Variants in CCDC125 observed in about 807,000 individuals in gnomAD.
CCDC125 encodes coiled-coil domain-containing protein 125.
In CCDC125, 43 loss-of-function variants were observed where a neutral mutation model predicts 57.4. The ratio of observed to expected loss-of-function variants is 0.75; its 90% CI spans 0.59 to 0.97. The LOEUF (loss-of-function observed/expected upper bound fraction) is 0.97. Ranked by LOEUF, CCDC125 falls within the 50% of genes least tolerant of loss-of-function variation. CCDC125 has a pLI of 0.00. For synonymous variants in CCDC125, 187 were observed against 195.2 expected, an observed-to-expected ratio of 0.96 and a Z score of 0.35; for missense variants, 563 against 595.7, an observed-to-expected ratio of 0.95 and a Z score of 0.57.
intron 1 of CCDC125, among the ~76,000 whole-genome samples, chr5:69,322,493 G>C (rs1292029836): frequency 1.3e-5 from 2 of 151,856 alleles, no homozygotes; most frequent in African/African-American, 4.8e-5. Context: ...GGAGGCTGAG[G>C]CTAGAGGATT....
chr5:69,282,715 C>T lies in CCDC125; in HGVS notation c.*14G>A, dbSNP rs757065653. ...TATAAACAACTCTCAGTTCCAATTT[C>T]AACTGGCTTGTCTTTAAAATATGAT... On this transcript the variant is annotated 3_prime_UTR_variant, in exon 12 of 12. Transcript: ENST00000396496. 6.4e-6 allele frequency: 10 copies of T among 1,552,448 alleles called. No individual in the cohort carries two copies. Among genetic ancestry groups the T allele is most frequent in the South Asian group, 3.7e-5 (3 of 80,820 alleles).
intron 9 of CCDC125, 27 bp from the exon 10 acceptor site, chr5:69,292,389 T>C (rs757076639): frequency 1.4e-5 from 22 of 1,592,022 alleles, no homozygotes; most frequent in Non-Finnish European, 1.8e-5. Context: ...GTTTGGGAGG[T>C]GTCAGAGGCA....
intron 5 of CCDC125, among the ~76,000 whole-genome samples, chr5:69,307,280 T>C (rs1757457426): frequency 1.3e-5 from 2 of 152,062 alleles, no homozygotes; most frequent in South Asian, 2.1e-4. Flanking sequence ...ACAGGAGACA[T>C]GACCATCTAG....
chr5:69,295,388 T>TA (rs906947901), intron 8 of CCDC125, among the ~76,000 whole-genome samples: 10 of 151,880 alleles, frequency 6.6e-5, no homozygotes, highest in Non-Finnish European at 7.4e-5. Flanking sequence ...CCTCCACTCC[T>TA]AAAAAAAATA....
At chr5:69,311,998 G>A (rs1758236873) in intron 3 of CCDC125, among the ~76,000 whole-genome samples, 1 of 152,158 alleles carries the variant, frequency 6.6e-6, no homozygotes, top group African/African-American at 2.4e-5. Flanking sequence ...GCCTCCCAAA[G>A]TGCTGGGATT....
chr5:69,282,536 G>C lies in CCDC125; in HGVS notation c.*193C>G, dbSNP rs1752579632. 1 of 528,116 alleles carries C rather than the reference G, an allele frequency of 1.9e-6. No individual in the cohort carries two copies. The highest frequency in any genetic ancestry group is 2.9e-5 in the South Asian group (1 of 34,410). 32.7% of individuals were successfully genotyped at this position (528,116 alleles called of 1,614,324 possible). On this transcript the variant is annotated 3_prime_UTR_variant, in exon 12 of 12. Transcript: ENST00000396496. ...AGATCACACCACTGCACTCCAACCTGGGTGACAGAGCAAGACTCCATCTCA... is the reference window on the plus strand; with the variant it reads ...AGATCACACCACTGCACTCCAACCTCGGTGACAGAGCAAGACTCCATCTCA...
rs114246657 is a variant in CCDC125, at chr5:69,301,231, T to C, written c.701-1104A>G. ...CTCAAGCAATCCTCTCCCCTTGGCTTTCCATAGCACTGGCCATTACGGGCA... is the reference window on the plus strand; with the variant it reads ...CTCAAGCAATCCTCTCCCCTTGGCTCTCCATAGCACTGGCCATTACGGGCA... On this transcript the variant is annotated intron_variant, in intron 7 of 11. Coordinates refer to ENST00000396496, the MANE Select transcript of CCDC125 (RefSeq NM_176816.5). Among the ~76,000 whole-genome samples, 591 of 152,230 alleles carry C rather than the reference T, an allele frequency of 3.9e-3. 5 individuals are homozygous for C. The highest frequency in any genetic ancestry group is 7.0e-3 in the Non-Finnish European group (476 of 68,012).
At chr5:69,321,367 T>C (rs909960754) in intron 1 of CCDC125, among the ~76,000 whole-genome samples, 1 of 152,062 alleles carries the variant, frequency 6.6e-6, no homozygotes, top group African/African-American at 2.4e-5. Flanking sequence ...AACCCATCAG[T>C]AAAGTCATGT....
intron 1 of CCDC125, among the ~76,000 whole-genome samples, chr5:69,320,987 G>A (rs1025077443): frequency 1.3e-5 from 2 of 152,074 alleles, no homozygotes; most frequent in Non-Finnish European, 2.9e-5. Context: ...AAACTCAAAG[G>A]AGCAGAAAGA....
At chr5:69,305,647 G>C (rs191275041) in intron 6 of CCDC125, among the ~76,000 whole-genome samples, 1 of 152,136 alleles carries the variant, frequency 6.6e-6, no homozygotes, top group Non-Finnish European at 1.5e-5. Context: ...CTCTGGCGCC[G>C]TGCTCCTTGA....
intron 7 of CCDC125, 107 bp from the exon 8 acceptor site, chr5:69,300,234 C>T (rs1470348094): frequency 3.8e-6 from 3 of 795,692 alleles, no homozygotes; most frequent in Non-Finnish European, 2.2e-6. Context: ...CAATACACTA[C>T]CCACAACATC....
chr5:69,306,762 G>T, intron 6 of CCDC125, 55 bp downstream of exon 6: 1 of 1,337,804 alleles, frequency 7.5e-7, no homozygotes, highest in South Asian at 2.4e-5. Context: ...AATTACTTTT[G>T]AATTACATAG....
intron 11 of CCDC125, 91 bp from the exon 12 acceptor site, chr5:69,283,125 A>G (rs955554260): frequency 1.1e-5 from 11 of 1,024,930 alleles, no homozygotes; most frequent in Non-Finnish European, 1.5e-5. Flanking sequence ...TTATCAAGTT[A>G]TTCAACCCTA....
chr5:69,306,711 AT>A, intron 6 of CCDC125, 105 bp downstream of exon 6: 11 of 1,222,686 alleles, frequency 9.0e-6, no homozygotes, highest in Non-Finnish European at 1.2e-5. Flanking sequence ...AGCAATAAAA[AT>A]TTTGTAATAT....
intron 9 of CCDC125, among the ~76,000 whole-genome samples, chr5:69,292,954 C>T (rs528116587): frequency 2.4e-3 from 358 of 151,600 alleles, no homozygotes; most frequent in Middle Eastern, 6.8e-3. Flanking sequence ...AATTCTCCTG[C>T]CTCTGCCTCT....
At chr5:69,309,516 T>C (rs1757831137) in intron 4 of CCDC125, 1 of 152,178 alleles carries the variant, frequency 6.6e-6, no homozygotes, top group African/African-American at 2.4e-5. Context: ...AATCGGGGTT[T>C]GGGAACCTCC....
rs1333284417 is a variant in CCDC125, at chr5:69,302,099, TAAAC to T, written c.700+1744_700+1747del. 6.0e-5 allele frequency among the ~76,000 whole-genome samples: 9 copies of T among 150,590 alleles called. No homozygotes were observed. In the East Asian group the frequency reaches 1.4e-3, roughly 23 times the overall value. On this transcript the variant is annotated intron_variant, in intron 7 of 11. Transcript: ENST00000396496. ...CCCTGTGTGAAAATAAATAAATAAA[TAAAC>T]AAATAAATAAATAAAATATGTAAAA...
At chr5:69,330,764 A>C (rs1433510540) in intron 1 of CCDC125, among the ~76,000 whole-genome samples, 1 of 152,128 alleles carries the variant, frequency 6.6e-6, no homozygotes, top group African/African-American at 2.4e-5. Flanking sequence ...CTAGACCCAA[A>C]AAAATCTCCC....
chr5:69,292,431 CAAATT>C (rs1754608362), intron 9 of CCDC125, 69 bp from the exon 10 acceptor site: 6 of 1,173,742 alleles, frequency 5.1e-6, no homozygotes, highest in Non-Finnish European at 7.5e-6. Context: ...AATGGGGAAT[CAAATT>C]AACATATGCA....
Sources: allele counts gnomAD v4.1 joint callset (sites outside exome capture counted in the v4.1 genomes callset), GRCh38; gene constraint gnomAD v4.1.1; transcripts MANE v1.5; gene names NCBI Gene and HGNC (gene_info 2026-07-23, HGNC 2026-07-21).